Variants in ST6GALNAC3 observed in about 807,000 individuals in gnomAD.
ST6GALNAC3 encodes the protein ST6 N-acetylgalactosaminide alpha-2,6-sialyltransferase 3.
A neutral mutation model predicts 32.7 loss-of-function variants in ST6GALNAC3; 25 were observed. That is an observed-to-expected ratio of 0.76 (90% CI 0.56 to 1.07). The LOEUF is 1.07. Among genes scored for constraint, ST6GALNAC3 ranks in the 50% least tolerant of loss-of-function variants. The pLI, the probability that ST6GALNAC3 is intolerant of heterozygous loss-of-function variation, is 0.00. For missense variants in ST6GALNAC3, 355 were observed against 382.4 expected (o/e 0.93, Z 0.60); for synonymous variants, 129 against 133.1 (o/e 0.97, Z 0.21).
intron 3 of ST6GALNAC3, among the ~76,000 whole-genome samples, chr1:76,537,573 T>G (rs1972250): frequency 0.68 from 102,592 of 151,756 alleles, 35,744 homozygotes; most frequent in Non-Finnish European, 0.77. Flanking sequence ...TTAGATAAAC[T>G]AATAAAGAGG....
chr1:76,088,649 G>C (rs1041547900), intron 1 of ST6GALNAC3, among the ~76,000 whole-genome samples: 5 of 152,082 alleles, frequency 3.3e-5, no homozygotes, highest in Non-Finnish European at 7.3e-5. Flanking sequence ...AGAACAGCCA[G>C]AGTGATCTTT....
At chr1:76,493,820 T>C (rs1033353056) in intron 3 of ST6GALNAC3, among the ~76,000 whole-genome samples, 2 of 152,162 alleles carry the variant, frequency 1.3e-5, no homozygotes, top group African/African-American at 4.8e-5. Context: ...TTCAGATCTT[T>C]TTCAAATTGG....
intron 1 of ST6GALNAC3, among the ~76,000 whole-genome samples, chr1:76,224,049 C>T (rs547769251): frequency 2.6e-5 from 4 of 152,140 alleles, no homozygotes; most frequent in Admixed American, 1.3e-4. Flanking sequence ...AGCCACCAGC[C>T]GTGACGTGAG....
intron 3 of ST6GALNAC3, among the ~76,000 whole-genome samples, chr1:76,554,990 A>G (rs1664835836): frequency 6.6e-6 from 1 of 152,150 alleles, no homozygotes; most frequent in Non-Finnish European, 1.5e-5. Flanking sequence ...CCAAGGTACT[A>G]TAAATATCTC....
At chr1:76,155,180 G>A (rs989901792) in intron 1 of ST6GALNAC3, among the ~76,000 whole-genome samples, 52 of 152,234 alleles carry the variant, frequency 3.4e-4, no homozygotes, top group African/African-American at 1.0e-3. Context: ...GTTGGGTGGT[G>A]ACCAGCACAG....
chr1:76,570,107 A>T (rs1665775401), intron 3 of ST6GALNAC3, among the ~76,000 whole-genome samples: 1 of 152,162 alleles, frequency 6.6e-6, no homozygotes, highest in East Asian at 1.9e-4. Context: ...GAAATAATGG[A>T]TCTAATTTAG....
chr1:76,375,214 T>C (rs961010101), intron 2 of ST6GALNAC3, among the ~76,000 whole-genome samples: 5 of 152,130 alleles, frequency 3.3e-5, no homozygotes, highest in Non-Finnish European at 7.3e-5. Context: ...CTTACTTCCA[T>C]TGTACAGAAG....
intron 1 of ST6GALNAC3, among the ~76,000 whole-genome samples, chr1:76,153,030 G>A (rs773999553): frequency 2.6e-5 from 4 of 152,172 alleles, no homozygotes; most frequent in Admixed American, 6.5e-5. Flanking sequence ...AGATATGCAC[G>A]TTTTGAAGAT....
At chr1:76,484,522 TTGTC>T (rs1486921307) in intron 3 of ST6GALNAC3, among the ~76,000 whole-genome samples, 3 of 152,180 alleles carry the variant, frequency 2.0e-5, no homozygotes, top group Non-Finnish European at 4.4e-5. Flanking sequence ...GGCTCTCTGT[TTGTC>T]TGTTATTGGT....
intron 1 of ST6GALNAC3, among the ~76,000 whole-genome samples, chr1:76,297,593 G>A (rs1660479011): frequency 6.6e-6 from 1 of 152,016 alleles, no homozygotes; most frequent in African/African-American, 2.4e-5. Context: ...GACATCACCA[G>A]TTACTAGCTG....
intron 1 of ST6GALNAC3, among the ~76,000 whole-genome samples, chr1:76,273,328 C>A (rs1451561761): frequency 4.0e-5 from 6 of 150,554 alleles, no homozygotes; most frequent in African/African-American, 1.5e-4. Flanking sequence ...GAAAAAAAAA[C>A]AAGTAAGATT....
intron 1 of ST6GALNAC3, among the ~76,000 whole-genome samples, chr1:76,254,262 C>T (rs914030249): frequency 6.6e-6 from 1 of 152,054 alleles, no homozygotes; most frequent in African/African-American, 2.4e-5. Flanking sequence ...CTCTAATGCT[C>T]TGAGAAGGAA....
chr1:76,422,860 G>T (rs1388449121), intron 3 of ST6GALNAC3, among the ~76,000 whole-genome samples: 1 of 151,936 alleles, frequency 6.6e-6, no homozygotes. Context: ...TCACGGCGAG[G>T]AGTTTTTTAA....
intron 3 of ST6GALNAC3, among the ~76,000 whole-genome samples, chr1:76,454,847 G>A (rs970621611): frequency 1.1e-5 from 1 of 92,856 alleles, no homozygotes; most frequent in African/African-American, 3.2e-5. Flanking sequence ...TCAGTGAGCA[G>A]TTTGAATATG....
chr1:76,245,424 T>C (rs1302541868), intron 1 of ST6GALNAC3, among the ~76,000 whole-genome samples: 3 of 152,116 alleles, frequency 2.0e-5, no homozygotes, highest in Non-Finnish European at 4.4e-5. Flanking sequence ...TGTAGGTCTA[T>C]CTCCTTCAGT....
At chr1:76,301,473 G>C (rs941568267) in intron 1 of ST6GALNAC3, among the ~76,000 whole-genome samples, 2 of 152,006 alleles carry the variant, frequency 1.3e-5, no homozygotes, top group African/African-American at 4.8e-5. Flanking sequence ...TTCTAGCAGG[G>C]GAAACTATAC....
intron 3 of ST6GALNAC3, among the ~76,000 whole-genome samples, chr1:76,434,739 G>A (rs1656011056): frequency 6.8e-6 from 1 of 148,134 alleles, no homozygotes; most frequent in Non-Finnish European, 1.5e-5. Context: ...TGCTTTTTAT[G>A]AGCTGTCACT....
rs1649358097 is a variant in ST6GALNAC3, at chr1:76,632,666, A to G, written c.*3860A>G. 6.6e-6 allele frequency: 1 copy of G among 152,174 alleles called. No homozygotes were observed. The highest frequency in any genetic ancestry group is 1.5e-5 in the Non-Finnish European group (1 of 68,014). 9.4% of individuals were successfully genotyped at this position (152,174 alleles called of 1,614,324 possible). On this transcript the variant is annotated 3_prime_UTR_variant, in exon 5 of 5. Transcript: ENST00000328299. ...CTGACCTTCCAAGAAGTAGAAGGCC[A>G]TCAGAAGAAAATCACTGTTACTTAG...
chr1:76,261,194 G>GC (rs1570613044), intron 1 of ST6GALNAC3, among the ~76,000 whole-genome samples: 1 of 152,112 alleles, frequency 6.6e-6, no homozygotes, highest in South Asian at 2.1e-4. Flanking sequence ...ATGAAGTTTA[G>GC]CCCCCCTCCC....
Sources: gnomAD v4.1 joint callset for allele counts (sites outside exome capture counted in the v4.1 genomes callset) on GRCh38, gnomAD v4.1.1 for gene constraint, MANE v1.5 for transcripts, NCBI Gene and HGNC (gene_info 2026-07-23, HGNC 2026-07-21) for gene names.